The following GABRB2 variants were observed in gnomAD, a reference collection of about 807,000 sequenced individuals.
GABRB2 encodes the protein gamma-aminobutyric acid type A receptor subunit beta2.
A neutral mutation model predicts 54.7 loss-of-function variants in GABRB2; 16 were observed. That is an observed-to-expected ratio of 0.29 (90% confidence interval 0.20 to 0.44). GABRB2 has a LOEUF of 0.44. GABRB2 is among the 20% of genes least tolerant of loss of function. The pLI, the probability that GABRB2 is intolerant of heterozygous loss-of-function variation, is 1.00. For synonymous variants in GABRB2, 244 were observed against 233.8 expected, an observed-to-expected ratio of 1.04 and a Z score of -0.40; for missense variants, 355 against 644.0, an observed-to-expected ratio of 0.55 and a Z score of 4.86.
chr5:161,424,780 T>G (rs940579037), intron 4 of GABRB2, among the ~76,000 whole-genome samples: 1 of 152,154 alleles, frequency 6.6e-6, no homozygotes, highest in Non-Finnish European at 1.5e-5. Flanking sequence ...ATTGCTGTCA[T>G]GTATAGTGAT....
At chr5:161,360,111 A>T (rs1197007395) in intron 5 of GABRB2, among the ~76,000 whole-genome samples, 1 of 151,974 alleles carries the variant, frequency 6.6e-6, no homozygotes, top group Non-Finnish European at 1.5e-5. Flanking sequence ...AAGATTATGT[A>T]TTTCATAGAG....
At chr5:161,536,549 C>T (rs969427958) in intron 3 of GABRB2, among the ~76,000 whole-genome samples, 45 of 152,162 alleles carry the variant, frequency 3.0e-4, no homozygotes, top group African/African-American at 1.1e-3. Context: ...CCTTTAGTTT[C>T]CAGTCCTGCT....
At chr5:161,432,822 T>C (rs1031414121) in intron 4 of GABRB2, among the ~76,000 whole-genome samples, 3 of 152,138 alleles carry the variant, frequency 2.0e-5, no homozygotes, top group Non-Finnish European at 2.9e-5. Context: ...CTGACTGCCA[T>C]AAACTTAGAC....
At chr5:161,298,389 C>A (rs1411222885) in intron 9 of GABRB2, among the ~76,000 whole-genome samples, 7 of 152,152 alleles carry the variant, frequency 4.6e-5, no homozygotes, top group African/African-American at 1.7e-4. Context: ...GTCTTCCCCA[C>A]CATACTATAC....
At chr5:161,449,732 A>G (rs1200188749) in intron 4 of GABRB2, among the ~76,000 whole-genome samples, 1 of 152,074 alleles carries the variant, frequency 6.6e-6, no homozygotes, top group Non-Finnish European at 1.5e-5. Context: ...AAACATATCT[A>G]CAGACATATA....
chr5:161,543,769 T>C (rs2113483199), intron 3 of GABRB2, among the ~76,000 whole-genome samples: 1 of 152,344 alleles, frequency 6.6e-6, no homozygotes, highest in South Asian at 2.1e-4. Flanking sequence ...TGAATATTTG[T>C]ATATCTGAGA....
intron 9 of GABRB2, among the ~76,000 whole-genome samples, chr5:161,298,460 C>A (rs568405220): frequency 2.0e-5 from 3 of 152,342 alleles, no homozygotes; most frequent in Admixed American, 2.0e-4. Context: ...AAACTTCTGG[C>A]ATGGCACCTG....
chr5:161,414,523 T>C (rs1206354069), intron 4 of GABRB2, among the ~76,000 whole-genome samples: 2 of 152,100 alleles, frequency 1.3e-5, no homozygotes, highest in Non-Finnish European at 2.9e-5. Context: ...AAGATGGATG[T>C]AAATAGCTTC....
At chr5:161,481,684 A>G (rs1268386024) in intron 3 of GABRB2, among the ~76,000 whole-genome samples, 1 of 152,038 alleles carries the variant, frequency 6.6e-6, no homozygotes, top group African/African-American at 2.4e-5. Flanking sequence ...GCTTTAATCC[A>G]TTCAAGAAAA....
At chr5:161,539,681 T>C (rs1760752998) in intron 3 of GABRB2, among the ~76,000 whole-genome samples, 3 of 152,152 alleles carry the variant, frequency 2.0e-5, no homozygotes, top group African/African-American at 7.2e-5. Flanking sequence ...ATTAAGTATG[T>C]TCATAGACGA....
upstream of GABRB2, chr5:161,546,867 T>G: frequency 1.1e-6 from 1 of 903,112 alleles, no homozygotes; most frequent in Non-Finnish European, 1.5e-6. Flanking sequence ...ACATACATAT[T>G]TGAATAATAT....
intron 9 of GABRB2, among the ~76,000 whole-genome samples, chr5:161,313,528 C>T (rs952573238): frequency 2.0e-5 from 3 of 151,472 alleles, no homozygotes; most frequent in East Asian, 3.9e-4. Flanking sequence ...ACACCACCAC[C>T]GAGACAGTGG....
intron 4 of GABRB2, among the ~76,000 whole-genome samples, chr5:161,428,318 T>C (rs1757072978): frequency 6.6e-6 from 1 of 151,588 alleles, no homozygotes; most frequent in Non-Finnish European, 1.5e-5. Context: ...TGTGTGTGTG[T>C]GTGTGACAAG....
At chr5:161,359,626 A>T (rs1340710152) in intron 5 of GABRB2, among the ~76,000 whole-genome samples, 3 of 152,198 alleles carry the variant, frequency 2.0e-5, no homozygotes, top group Admixed American at 6.5e-5. Context: ...AAACACTATA[A>T]AATGTTCTAA....
chr5:161,468,388 C>T (rs977340747), intron 3 of GABRB2, among the ~76,000 whole-genome samples: 1 of 152,026 alleles, frequency 6.6e-6, no homozygotes, highest in African/African-American at 2.4e-5. Context: ...TTTGCAAATA[C>T]TTCAAGTTCC....
intron 5 of GABRB2, among the ~76,000 whole-genome samples, chr5:161,353,359 G>A (rs1028458957): frequency 1.3e-5 from 2 of 152,006 alleles, no homozygotes; most frequent in African/African-American, 4.8e-5. Context: ...GTAAAGGAAG[G>A]AGTACCTTGA....
chr5:161,385,150 A>C (rs1317049766), intron 5 of GABRB2, among the ~76,000 whole-genome samples: 1 of 152,132 alleles, frequency 6.6e-6, no homozygotes, highest in Non-Finnish European at 1.5e-5. Context: ...GCTCTCTTTT[A>C]AACTAAGAGG....
intron 9 of GABRB2, among the ~76,000 whole-genome samples, chr5:161,309,510 T>C (rs147143547): frequency 1.6e-3 from 241 of 152,326 alleles, no homozygotes; most frequent in African/African-American, 5.7e-3. Flanking sequence ...TTACTGGGTA[T>C]ATACCCAAAT....
chr5:161,309,740 C>T (rs1757804813), intron 9 of GABRB2, among the ~76,000 whole-genome samples: 1 of 151,720 alleles, frequency 6.6e-6, no homozygotes, highest in Non-Finnish European at 1.5e-5. Context: ...ATGCCATTCT[C>T]CTGCCTCAGC....
Sources: gnomAD v4.1 joint callset for allele counts (sites outside exome capture counted in the v4.1 genomes callset) on GRCh38, gnomAD v4.1.1 for gene constraint, MANE v1.5 for transcripts, NCBI Gene and HGNC (gene_info 2026-07-23, HGNC 2026-07-21) for gene names.